Variants in JAKMIP1 observed in about 807,000 individuals in gnomAD.
JAKMIP1 encodes janus kinase and microtubule interacting protein 1.
JAKMIP1 carries 33 observed loss-of-function variants against 113.0 expected under a neutral mutation model. That is an observed-to-expected ratio of 0.29 (90% CI 0.22 to 0.39). JAKMIP1 has a LOEUF of 0.39. JAKMIP1 is among the 10% of genes least tolerant of loss of function. JAKMIP1 has a pLI of 1.00. For synonymous variants in JAKMIP1, 480 were observed against 459.9 expected (o/e 1.04, Z -0.56); for missense variants, 813 against 1,080.5 (o/e 0.75, Z 3.47).
In JAKMIP1 at chr4:6,093,190, C is replaced by T. The variant is rs2108846544; in HGVS notation, c.625-7561G>A. Reference sequence around the variant, plus strand: ...TCTGTGAAATGACTCCTGCATCTACCCACAGAAGTGATCACATCCTCTTCT... The same window carrying T: ...TCTGTGAAATGACTCCTGCATCTACTCACAGAAGTGATCACATCCTCTTCT... On this transcript the variant is annotated intron_variant, in intron 3 of 20. Coordinates refer to ENST00000409021, the MANE Select transcript of JAKMIP1 (RefSeq NM_001099433.2). This position sits in a 1 kb window ranked among gnomAD's most constrained non-coding sequence, Gnocchi z 4.6. Among the ~76,000 whole-genome samples the T allele has an allele frequency of 6.6e-6, 1 of 152,300 alleles. No individual in the cohort carries two copies. The highest frequency in any genetic ancestry group is 2.1e-4 in the South Asian group (1 of 4,816).
chr4:6,068,549 A>T (rs1020667826), intron 8 of JAKMIP1, among the ~76,000 whole-genome samples: 15 of 130,708 alleles, frequency 1.1e-4, no homozygotes, highest in African/African-American at 4.2e-4. Context: ...ATTTTTAAAA[A>T]TTTTTTAACT....
chr4:6,091,651 T>C (rs1422998454), intron 3 of JAKMIP1, among the ~76,000 whole-genome samples: 1 of 152,074 alleles, frequency 6.6e-6, no homozygotes, highest in South Asian at 2.1e-4. Context: ...TGATGACAGC[T>C]CCCCTGAACA....
chr4:6,175,298 G>T (rs1200722382), intron 1 of JAKMIP1, among the ~76,000 whole-genome samples: 2 of 152,218 alleles, frequency 1.3e-5, no homozygotes, highest in Non-Finnish European at 2.9e-5. Flanking sequence ...GCTCCAAATG[G>T]GGTCCCTTCA....
intron 2 of JAKMIP1, among the ~76,000 whole-genome samples, chr4:6,110,373 T>G (rs1467652756): frequency 6.6e-6 from 1 of 151,990 alleles, no homozygotes; most frequent in Non-Finnish European, 1.5e-5. Flanking sequence ...GATCTGTGGC[T>G]GCCAGCCTCC....
At chr4:6,038,457 G>A (rs1330373707) in intron 18 of JAKMIP1, among the ~76,000 whole-genome samples, 4 of 146,340 alleles carry the variant, frequency 2.7e-5, no homozygotes, top group Non-Finnish European at 5.9e-5. Context: ...AGGCTAACCG[G>A]TATCCCTCCA....
In JAKMIP1 at chr4:6,049,972, C is replaced by CTTTCT; in HGVS notation, c.1909-105_1909-101dup. The CTTTCT allele has an allele frequency of 1.3e-6, 1 of 796,754 alleles. No individual in the cohort carries two copies. The highest frequency in any genetic ancestry group is 1.6e-5 in the South Asian group (1 of 62,560). The allele number at this position is 796,754 out of a possible 1,614,324, so 49.4% of individuals were successfully genotyped here. A position where few individuals can be genotyped will look rare whatever the true frequency, so the allele number is the denominator to read the frequency against. Reference sequence around the variant, plus strand: ...TTTCCTCTGGACAAGACACCGCGCTCTTTCTTTTCTTTTCTGGCCAAGTTT... The same window carrying CTTTCT: ...TTTCCTCTGGACAAGACACCGCGCTCTTTCTTTTCTTTTCTTTTCTGGCCAAGTTT... On this transcript the variant is annotated intron_variant, in intron 14 of 20. Coordinates refer to ENST00000409021, the MANE Select transcript of JAKMIP1 (RefSeq NM_001099433.2). This position sits in a 1 kb window ranked among gnomAD's most constrained non-coding sequence, Gnocchi z 7.0.
rs773937280 is a variant in JAKMIP1 at position 6,049,966 on chromosome 4, C to T, written c.1909-94G>A. 20 of 838,034 alleles carry T rather than the reference C, an allele frequency of 2.4e-5. No homozygotes were observed. The highest frequency in any genetic ancestry group is 3.3e-5 in the Non-Finnish European group (17 of 511,788). 51.9% of individuals were successfully genotyped at this position (838,034 alleles called of 1,614,324 possible). A position where few individuals can be genotyped will look rare whatever the true frequency, so the allele number is the denominator to read the frequency against. ...ACGGCCTTTCCTCTGGACAAGACACCGCGCTCTTTCTTTTCTTTTCTGGCC... is the reference window on the plus strand; with the variant it reads ...ACGGCCTTTCCTCTGGACAAGACACTGCGCTCTTTCTTTTCTTTTCTGGCC... On this transcript the variant is annotated intron_variant, in intron 14 of 20. Transcript: ENST00000409021. The surrounding 1 kb of genome is among the most constrained non-coding windows in gnomAD (Gnocchi z 7.0).
chr4:6,188,292 A>G lies in JAKMIP1; in HGVS notation c.-148+11961T>C, dbSNP rs1726863661. Among the ~76,000 whole-genome samples, 1 of 152,228 alleles carries G rather than the reference A, an allele frequency of 6.6e-6. No individual in the cohort carries two copies. The highest frequency in any genetic ancestry group is 2.4e-5 in the African/African-American group (1 of 41,460). On this transcript the variant is annotated intron_variant, in intron 1 of 20. Transcript: ENST00000409021. This position sits in a 1 kb window ranked among gnomAD's most constrained non-coding sequence, Gnocchi z 5.8. ...ATGTGGTGACTGGAAGTGTGGAGAC[A>G]GCTCATTGCTTCAGACTAAGGTGGG... is the stretch of plus-strand genomic sequence containing the variant.
At chr4:6,169,170 A>T (rs1046378000) in intron 1 of JAKMIP1, among the ~76,000 whole-genome samples, 1 of 152,192 alleles carries the variant, frequency 6.6e-6, no homozygotes. Context: ...AAAAATGTTC[A>T]TGTATTGGGT....
Position 6,031,431 on chromosome 4 carries a change from G to C in JAKMIP1, c.2380-1650C>G, listed in dbSNP as rs944335351. 1.3e-5 allele frequency among the ~76,000 whole-genome samples: 2 copies of C among 152,138 alleles called. No individual in the cohort carries two copies. The highest frequency in any genetic ancestry group is 2.9e-5 in the Non-Finnish European group (2 of 68,034). ...GACTCCATCTCAATAAATAAATAAA[G>C]AGGCATGAGGAGGGGTGAGGTATCG... On this transcript the variant is annotated intron_variant, in intron 19 of 20. Transcript: ENST00000409021. This position sits in a 1 kb window ranked among gnomAD's most constrained non-coding sequence, Gnocchi z 4.4.
rs1715590158 is a variant in JAKMIP1, at chr4:6,050,989, A to T, written c.1807-310T>A. On this transcript the variant is annotated intron_variant, in intron 13 of 20. Coordinates refer to ENST00000409021, the MANE Select transcript of JAKMIP1 (RefSeq NM_001099433.2). The surrounding 1 kb of genome is among the most constrained non-coding windows in gnomAD (Gnocchi z 7.4). Reference sequence around the variant, plus strand: ...ATCACAGAATTACAAAATTTAAAAAACACAGTTGCACTAAATTTGAATAGA... The same window carrying T: ...ATCACAGAATTACAAAATTTAAAAATCACAGTTGCACTAAATTTGAATAGA... Among the ~76,000 whole-genome samples the T allele has an allele frequency of 6.6e-6, 1 of 152,206 alleles. No homozygotes were observed. The highest frequency in any genetic ancestry group is 2.1e-4 in the South Asian group (1 of 4,826).
rs769700233 is a variant in JAKMIP1 at position 6,106,005 on chromosome 4, G to A, written c.130-38C>T. On this transcript the variant is annotated intron_variant, in intron 2 of 20. Coordinates refer to ENST00000409021, the MANE Select transcript of JAKMIP1 (RefSeq NM_001099433.2). This position sits in a 1 kb window ranked among gnomAD's most constrained non-coding sequence, Gnocchi z 5.9. The stretch of plus-strand genomic sequence containing the variant: ...CGGCGAGAGAGCCGGTCAGGGTCAG[G>A]GTCAGGGTCAGGGTCAGGGTCAGGG... The A allele has an allele frequency of 7.7e-6, 9 of 1,172,170 alleles. No individual in the cohort carries two copies. The East Asian group carries it at 1.9e-4, about 25-fold the overall frequency. 72.6% of individuals were successfully genotyped at this position (1,172,170 alleles called of 1,614,324 possible). A position where few individuals can be genotyped will look rare whatever the true frequency, so the allele number is the denominator to read the frequency against.
rs1715673534 is a variant in JAKMIP1 at position 6,051,613 on chromosome 4, A to G, written c.1807-934T>C. On this transcript the variant is annotated intron_variant, in intron 13 of 20. Coordinates refer to ENST00000409021, the MANE Select transcript of JAKMIP1 (RefSeq NM_001099433.2). The surrounding 1 kb of genome is among the most constrained non-coding windows in gnomAD (Gnocchi z 5.0). The stretch of plus-strand genomic sequence containing the variant: ...CACAATTGTTTTCTGAGCCACACTA[A>G]CACAACAAGTGATCATTCTACCCCT... 2.0e-5 allele frequency among the ~76,000 whole-genome samples: 3 copies of G among 152,200 alleles called. No homozygotes were observed. The South Asian group carries it at 6.2e-4, about 32-fold the overall frequency.
In JAKMIP1 at chr4:6,069,685, TG is replaced by T. The variant is rs1376322017; in HGVS notation, c.1303-4678del. Among the ~76,000 whole-genome samples, 1 of 149,158 alleles carries T rather than the reference TG, an allele frequency of 6.7e-6. No homozygotes were observed. Among genetic ancestry groups the T allele is most frequent in the Admixed American group, 6.7e-5 (1 of 14,888 alleles). The stretch of plus-strand genomic sequence containing the variant: ...GAAAGATTACTTGAGCCTGGGAGGT[TG>T]GGGCTGCAGTGAGCTGTGATTGTGC... On this transcript the variant is annotated intron_variant, in intron 8 of 20. Coordinates refer to ENST00000409021, the MANE Select transcript of JAKMIP1 (RefSeq NM_001099433.2). The surrounding 1 kb of genome is among the most constrained non-coding windows in gnomAD (Gnocchi z 4.5).
rs1720367360 is a variant in JAKMIP1, at chr4:6,142,946, G to T, written c.-147-29949C>A. On this transcript the variant is annotated intron_variant, in intron 1 of 20. Transcript: ENST00000409021. This position sits in a 1 kb window ranked among gnomAD's most constrained non-coding sequence, Gnocchi z 5.5. ...CCTCAGTCCAGCACTGTGTGTGTGTGTGTTTGTGGCCTCTCATCTCTGACT... is the reference window on the plus strand; with the variant it reads ...CCTCAGTCCAGCACTGTGTGTGTGTTTGTTTGTGGCCTCTCATCTCTGACT... 6.6e-6 allele frequency among the ~76,000 whole-genome samples: 1 copy of T among 152,216 alleles called. No individual in the cohort carries two copies. Among genetic ancestry groups the T allele is most frequent in the Non-Finnish European group, 1.5e-5 (1 of 68,034 alleles).
chr4:6,115,396 T>C (rs1164194735), intron 1 of JAKMIP1, among the ~76,000 whole-genome samples: 2 of 152,192 alleles, frequency 1.3e-5, no homozygotes, highest in African/African-American at 2.4e-5. Flanking sequence ...GGAGACTCCA[T>C]CTCAAAATAA....
Position 6,106,814 on chromosome 4 carries a change from T to G in JAKMIP1, c.130-847A>C, listed in dbSNP as rs143649996. ...TCAACACACATTCCACAGGAACGCCTGACAAGCCCTTATTTCCTGAATTCT... is the reference window on the plus strand; with the variant it reads ...TCAACACACATTCCACAGGAACGCCGGACAAGCCCTTATTTCCTGAATTCT... On this transcript the variant is annotated intron_variant, in intron 2 of 20. Coordinates refer to ENST00000409021, the MANE Select transcript of JAKMIP1 (RefSeq NM_001099433.2). The surrounding 1 kb of genome is among the most constrained non-coding windows in gnomAD (Gnocchi z 5.9). Among the ~76,000 whole-genome samples the G allele has an allele frequency of 0.01, 1,561 of 152,310 alleles. 22 individuals are homozygous for G. Among genetic ancestry groups the G allele is most frequent in the African/African-American group, 0.036 (1,506 of 41,566 alleles).
At chr4:6,191,718 C>T (rs1046863195) in intron 1 of JAKMIP1, among the ~76,000 whole-genome samples, 1 of 152,210 alleles carries the variant, frequency 6.6e-6, no homozygotes, top group Admixed American at 6.5e-5. Context: ...TGGAATACAA[C>T]ATGCACGCCA....
At position 6,184,653 on chromosome 4, in the gene JAKMIP1, T is replaced by C. The variant is rs1001317495; in HGVS notation, c.-148+15600A>G. ...AGATTCAGCAAGAGAGCAGGGGTGATTGTGCCTATCGAAGGGAAGCAACCA... is the reference window on the plus strand; with the variant it reads ...AGATTCAGCAAGAGAGCAGGGGTGACTGTGCCTATCGAAGGGAAGCAACCA... On this transcript the variant is annotated intron_variant, in intron 1 of 20. Transcript: ENST00000409021. This position sits in a 1 kb window ranked among gnomAD's most constrained non-coding sequence, Gnocchi z 4.5. Among the ~76,000 whole-genome samples, 1 of 152,206 alleles carries C rather than the reference T, an allele frequency of 6.6e-6. No individual in the cohort carries two copies. Among genetic ancestry groups the C allele is most frequent in the Non-Finnish European group, 1.5e-5 (1 of 68,034 alleles).
Sources: allele counts gnomAD v4.1 joint callset (sites outside exome capture counted in the v4.1 genomes callset), GRCh38; gene constraint gnomAD v4.1.1; non-coding constraint Gnocchi (gnomAD v3.1); transcripts MANE v1.5; gene names NCBI Gene and HGNC (gene_info 2026-07-23, HGNC 2026-07-21).